CADM1: variants seen among roughly 807,000 people sequenced by gnomAD.
CADM1 encodes cell adhesion molecule 1.
Under a neutral mutation model 53.1 loss-of-function variants are expected in CADM1, and 15 were observed. The observed-to-expected ratio is 0.28, with a 90% CI of 0.19 to 0.44. The LOEUF is 0.44. Among genes scored for constraint, CADM1 ranks in the 20% least tolerant of loss-of-function variants. CADM1 has a pLI of 1.00. For synonymous variants in CADM1, 281 were observed against 243.0 expected (o/e 1.16, Z -1.45); for missense variants, 434 against 611.3 (o/e 0.71, Z 3.06).
intron 1 of CADM1, among the ~76,000 whole-genome samples, chr11:115,293,801 C>G (rs529326517): frequency 6.6e-6 from 1 of 152,216 alleles, no homozygotes; most frequent in African/African-American, 2.4e-5. Flanking sequence ...GTTTAAGTCC[C>G]AAATTCAAGC....
chr11:115,409,555 G>A (rs1947406386), intron 1 of CADM1, among the ~76,000 whole-genome samples: 1 of 151,956 alleles, frequency 6.6e-6, no homozygotes, highest in Non-Finnish European at 1.5e-5. Flanking sequence ...AAAAGACATA[G>A]GAATTATGGG....
At chr11:115,265,053 A>G (rs11215456) in intron 1 of CADM1, among the ~76,000 whole-genome samples, 47,669 of 152,064 alleles carry the variant, frequency 0.31, 9,202 homozygotes, top group East Asian at 0.65. Context: ...TAAGAAAAAT[A>G]TAAGGCATTC....
At chr11:115,283,288 G>A (rs1222761241) in intron 1 of CADM1, among the ~76,000 whole-genome samples, 1 of 152,136 alleles carries the variant, frequency 6.6e-6, no homozygotes, top group African/African-American at 2.4e-5. Context: ...AAATCGATGG[G>A]AGCTGAGGAA....
rs1316276269 is a variant in CADM1 at position 115,328,692 on chromosome 11, G to GTGTATATATGTA, written c.125-88273_125-88272insTACATATATACA. 1.7e-4 allele frequency among the ~76,000 whole-genome samples: 3 copies of GTGTATATATGTA among 17,512 alleles called. 1 individual carries two copies. In the South Asian group the frequency reaches 0.017, roughly 100 times the overall value. The allele number at this position is 17,512 out of a possible 152,430, so 11.5% of individuals were successfully genotyped here. A position where few individuals can be genotyped will look rare whatever the true frequency, so the allele number is the denominator to read the frequency against. ...TATATATATATGTGTATATATATGT[G>GTGTATATATGTA]TATATATATGTATATATATATGTGT... On this transcript the variant is annotated intron_variant, in intron 1 of 11. Transcript: ENST00000331581.
chr11:115,444,840 C>A (rs1271842914), intron 1 of CADM1, among the ~76,000 whole-genome samples: 2 of 152,130 alleles, frequency 1.3e-5, no homozygotes, highest in African/African-American at 2.4e-5. Context: ...AGATTAGGAA[C>A]ACTAGAGGGA....
At chr11:115,359,107 G>A (rs181087415) in intron 1 of CADM1, among the ~76,000 whole-genome samples, 98 of 152,152 alleles carry the variant, frequency 6.4e-4, no homozygotes, top group African/African-American at 2.2e-3. Context: ...AGGCACATCT[G>A]TGTGGCTTTT....
rs1029553586 is a variant in CADM1, at chr11:115,174,934, T to A, written c.*1540A>T. The A allele has an allele frequency of 3.0e-6, 3 of 985,546 alleles. No individual in the cohort carries two copies. In the African/African-American group the frequency reaches 5.2e-5, roughly 17 times the overall value. 61.1% of individuals were successfully genotyped at this position (985,546 alleles called of 1,614,324 possible). ...TCTTTAAAACATGTAAATGGTAACG[T>A]GACTCCTCTACCTTTTCCCGAGGCT... On this transcript the variant is annotated 3_prime_UTR_variant, in exon 12 of 12. Coordinates refer to ENST00000331581, the MANE Select transcript of CADM1 (RefSeq NM_001301043.2).
chr11:115,176,777 C>T (rs527844251), intron 11 of CADM1, among the ~76,000 whole-genome samples, 185 bp from the exon 12 acceptor site: 24 of 152,228 alleles, frequency 1.6e-4, no homozygotes, highest in African/African-American at 5.8e-4. Context: ...GTTCCAAAGG[C>T]ACCACTCCAA....
rs529799849 is a variant in CADM1 at position 115,464,488 on chromosome 11, G to T, written c.124+39783C>A. Among the ~76,000 whole-genome samples the T allele has an allele frequency of 6.6e-5, 10 of 152,226 alleles. No homozygotes were observed. In the East Asian group the frequency reaches 1.7e-3, roughly 27 times the overall value. ...TCCATTTCCCCATTGATGAGGGAAG[G>T]CCAGACTAACCCACAATCCACATCT... On this transcript the variant is annotated intron_variant, in intron 1 of 11. Coordinates refer to ENST00000331581, the MANE Select transcript of CADM1 (RefSeq NM_001301043.2).
At chr11:115,485,813 G>T (rs1168556967) in intron 1 of CADM1, among the ~76,000 whole-genome samples, 2 of 152,160 alleles carry the variant, frequency 1.3e-5, no homozygotes, top group South Asian at 4.1e-4. Context: ...CTTTGCAGAT[G>T]ACTTTCAAAT....
chr11:115,173,678 T>G lies in CADM1; in HGVS notation c.*2796A>C. 2 of 465,530 alleles carry G rather than the reference T, an allele frequency of 4.3e-6. No individual in the cohort carries two copies. Among genetic ancestry groups the G allele is most frequent in the Non-Finnish European group, 2.7e-6 (1 of 369,270 alleles). The allele number at this position is 465,530 out of a possible 1,614,324, so 28.8% of individuals were successfully genotyped here. ...TAAGAAGACAGATATTTTATAGTAC[T>G]TCTTTTTTTTCTTTTTTTTTTTGTA... is the stretch of plus-strand genomic sequence containing the variant. On this transcript the variant is annotated 3_prime_UTR_variant, in exon 12 of 12. Transcript: ENST00000331581.
Position 115,229,257 on chromosome 11 carries a change from C to G in CADM1, c.577G>C (p.Glu193Gln). 3 of 1,614,096 alleles carry G rather than the reference C, an allele frequency of 1.9e-6. No homozygotes were observed. Among genetic ancestry groups the G allele is most frequent in the Non-Finnish European group, 2.5e-6 (3 of 1,179,970 alleles). ...ACAGTGTACATGTCTGACCACTCTT[C>G]CACCTCCGATTTGCCTGGGGAACAG... ...NTELKGKSEV[E>Q]EWSDMYTVTS... is the part of the protein sequence containing the mutation. The change falls in exon 5 of 12, where the codon GAA (glutamate) becomes CAA (glutamine). Residue 193 changes from glutamate (E) to glutamine (Q), a missense_variant. Physicochemically the swap from Glu to Gln is conservative, Grantham distance 29. Transcript: ENST00000331581.
At chr11:115,234,697 A>G (rs1941947949) in intron 3 of CADM1, among the ~76,000 whole-genome samples, 1 of 152,096 alleles carries the variant, frequency 6.6e-6, no homozygotes, top group Non-Finnish European at 1.5e-5. Context: ...GTTTGAGACC[A>G]GCCTGGCCAA....
intron 5 of CADM1, among the ~76,000 whole-genome samples, chr11:115,228,862 T>A (rs1241098619): frequency 6.6e-6 from 1 of 152,212 alleles, no homozygotes; most frequent in East Asian, 1.9e-4. Flanking sequence ...AGAAATTAAT[T>A]AAGTCACGTG....
chr11:115,188,171 G>A (rs1939668747), intron 10 of CADM1, among the ~76,000 whole-genome samples: 1 of 152,154 alleles, frequency 6.6e-6, no homozygotes, highest in Non-Finnish European at 1.5e-5. Flanking sequence ...AAATAAAATA[G>A]AAGGATAAAT....
intron 8 of CADM1, among the ~76,000 whole-genome samples, chr11:115,202,179 C>A (rs1453766814): frequency 3.6e-5 from 2 of 55,304 alleles, no homozygotes; most frequent in African/African-American, 1.4e-4. Context: ...AGCAATTTAA[C>A]TAAGTAGCAA....
At chr11:115,275,595 C>T (rs1048861498) in intron 1 of CADM1, among the ~76,000 whole-genome samples, 21 of 152,080 alleles carry the variant, frequency 1.4e-4, no homozygotes, top group African/African-American at 4.8e-4. Flanking sequence ...CTCTTTAATT[C>T]TACTCTTGTA....
At chr11:115,385,549 G>C (rs1025776953) in intron 1 of CADM1, among the ~76,000 whole-genome samples, 1 of 148,806 alleles carries the variant, frequency 6.7e-6, no homozygotes, top group African/African-American at 2.5e-5. Context: ...TTTACTTTAT[G>C]TTTGCCTTGG....
chr11:115,491,816 G>A (rs1949503698), intron 1 of CADM1, among the ~76,000 whole-genome samples: 1 of 152,150 alleles, frequency 6.6e-6, no homozygotes, highest in South Asian at 2.1e-4. Flanking sequence ...CATGGATGAA[G>A]CTGGAAACCA....
Sources: allele counts gnomAD v4.1 joint callset (sites outside exome capture counted in the v4.1 genomes callset), GRCh38; gene constraint gnomAD v4.1.1; transcripts MANE v1.5; gene names NCBI Gene and HGNC (gene_info 2026-07-23, HGNC 2026-07-21).